RNF220: variants seen among roughly 807,000 people sequenced by gnomAD.
RNF220 encodes the protein ring finger protein 220, also known as E3 ubiquitin-protein ligase RNF220.
RNF220 carries 7 observed loss-of-function variants against 67.1 expected under a neutral mutation model. That is an observed-to-expected ratio of 0.10 (90% confidence interval 0.06 to 0.20). The LOEUF is 0.20. RNF220 is among the 10% of genes least tolerant of loss of function. The probability of loss-of-function intolerance (pLI) is 1.00; values close to 1 mark genes in which losing one functional copy is unlikely to be tolerated. For missense variants in RNF220, 565 were observed against 740.3 expected (o/e 0.76, Z 2.75); for synonymous variants, 270 against 283.2 (o/e 0.95, Z 0.47).
intron 2 of RNF220, among the ~76,000 whole-genome samples, chr1:44,575,316 T>G (rs1454483928): frequency 2.0e-5 from 3 of 152,230 alleles, no homozygotes. Flanking sequence ...AACAATGATC[T>G]TCACTTCCAT....
rs775887384 is a variant in RNF220 at position 44,622,868 on chromosome 1, G to C, written c.804+81G>C. The C allele has an allele frequency of 1.6e-5, 19 of 1,177,526 alleles. No individual in the cohort carries two copies. Among genetic ancestry groups the C allele is most frequent in the Non-Finnish European group, 2.4e-5 (19 of 789,600 alleles). 72.9% of individuals were successfully genotyped at this position (1,177,526 alleles called of 1,614,324 possible). On this transcript the variant is annotated intron_variant, in intron 4 of 14. Transcript: ENST00000361799. The surrounding 1 kb of genome is among the most constrained non-coding windows in gnomAD (Gnocchi z 4.3). ...AACTGGTTCCTCCTGAGAAAAAGGA[G>C]CTTTTCTAGTATCCTCAACTATCTC...
chr1:44,521,686 G>A (rs1659953775), intron 2 of RNF220, among the ~76,000 whole-genome samples: 2 of 152,086 alleles, frequency 1.3e-5, no homozygotes, highest in Admixed American at 6.6e-5. Context: ...CACATGGATC[G>A]CTCGTACAGA....
chr1:44,562,348 C>G (rs947946456), intron 2 of RNF220, among the ~76,000 whole-genome samples: 1 of 152,206 alleles, frequency 6.6e-6, no homozygotes, highest in African/African-American at 2.4e-5. Context: ...GAAGCCGTGG[C>G]TGCTTAAACC....
At chr1:44,531,193 C>T (rs1298662652) in intron 2 of RNF220, among the ~76,000 whole-genome samples, 1 of 152,298 alleles carries the variant, frequency 6.6e-6, no homozygotes, top group Middle Eastern at 3.4e-3. Flanking sequence ...TTCCTGTAAT[C>T]CTCAAGGTAA....
At chr1:44,423,072 A>G (rs1206783664) in intron 2 of RNF220, among the ~76,000 whole-genome samples, 2 of 152,224 alleles carry the variant, frequency 1.3e-5, no homozygotes, top group South Asian at 4.1e-4. Context: ...TTAGTTAGCA[A>G]TTGTAGGATG....
At chr1:44,492,761 G>A (rs910749431) in intron 2 of RNF220, among the ~76,000 whole-genome samples, 1 of 152,108 alleles carries the variant, frequency 6.6e-6, no homozygotes, top group Non-Finnish European at 1.5e-5. Context: ...TAGGGCTGGG[G>A]TGAGGGGAGG....
chr1:44,424,753 G>C (rs113520028), intron 2 of RNF220, among the ~76,000 whole-genome samples: 3,435 of 152,280 alleles, frequency 0.023, 54 homozygotes, highest in Non-Finnish European at 0.034. Context: ...CTGATCAAGT[G>C]ACTGTATGTG....
rs72895585 is a variant in RNF220 at position 44,537,094 on chromosome 1, C to T, written c.626-77071C>T. On this transcript the variant is annotated intron_variant, in intron 2 of 14. Transcript: ENST00000361799. ...TGCTCTTGTGAGTACATGATGGAAACGGCCCATGACAGTGTTTATCTCACT... is the reference window on the plus strand; with the variant it reads ...TGCTCTTGTGAGTACATGATGGAAATGGCCCATGACAGTGTTTATCTCACT... Among the ~76,000 whole-genome samples, 1,481 of 151,588 alleles carry T rather than the reference C, an allele frequency of 9.8e-3. 22 individuals carry two copies. Among genetic ancestry groups the T allele is most frequent in the African/African-American group, 0.034 (1,393 of 41,290 alleles).
chr1:44,450,009 C>G (rs911543460), intron 2 of RNF220, among the ~76,000 whole-genome samples: 2 of 152,092 alleles, frequency 1.3e-5, no homozygotes, highest in Non-Finnish European at 2.9e-5. Flanking sequence ...GTTGGGAGTT[C>G]GAGACCAGCC....
At chr1:44,490,500 G>C (rs1656758038) in intron 2 of RNF220, among the ~76,000 whole-genome samples, 1 of 150,256 alleles carries the variant, frequency 6.7e-6, no homozygotes, top group Non-Finnish European at 1.5e-5. Flanking sequence ...GAAATAATAA[G>C]GTATCAAAGG....
intron 12 of RNF220, among the ~76,000 whole-genome samples, chr1:44,647,859 C>T (rs1331226767): frequency 6.6e-6 from 1 of 152,172 alleles, no homozygotes; most frequent in African/African-American, 2.4e-5. Context: ...TATGATTCCC[C>T]CGCCTCAGTC....
chr1:44,461,747 C>T (rs1653779028), intron 2 of RNF220, among the ~76,000 whole-genome samples: 1 of 152,008 alleles, frequency 6.6e-6, no homozygotes, highest in South Asian at 2.1e-4. Context: ...GGAAGAGAAA[C>T]AAAGCTTAAA....
rs148060319 is a variant in RNF220 at position 44,609,061 on chromosome 1, G to A, written c.626-5104G>A. Among the ~76,000 whole-genome samples the A allele has an allele frequency of 2.0e-5, 3 of 152,290 alleles. No homozygotes were observed. In the East Asian group the frequency reaches 5.8e-4, roughly 29 times the overall value. On this transcript the variant is annotated intron_variant, in intron 2 of 14. Coordinates refer to ENST00000361799, the MANE Select transcript of RNF220 (RefSeq NM_018150.4). The stretch of plus-strand genomic sequence containing the variant: ...AATAACGTTAAGTGATTTGCCCAAG[G>A]TCACACAGCTAGCAAGAGGCAGCTC...
chr1:44,481,656 GGTTT>G (rs762664873), intron 2 of RNF220, among the ~76,000 whole-genome samples: 1 of 151,996 alleles, frequency 6.6e-6, no homozygotes, highest in Non-Finnish European at 1.5e-5. Context: ...CCTTTTCTTT[GGTTT>G]GTTTTTCTTT....
intron 2 of RNF220, among the ~76,000 whole-genome samples, chr1:44,455,484 T>C (rs1264605408): frequency 2.6e-5 from 4 of 152,180 alleles, no homozygotes; most frequent in Non-Finnish European, 5.9e-5. Context: ...TGGGGGCTCA[T>C]GGGGCTCTCA....
rs755588525 is a variant in RNF220, at chr1:44,645,105, C to T, written c.1310+24C>T. The T allele has an allele frequency of 1.9e-5, 31 of 1,613,346 alleles. No homozygotes were observed. Among genetic ancestry groups the T allele is most frequent in the South Asian group, 6.6e-5 (6 of 91,046 alleles). The stretch of plus-strand genomic sequence containing the variant: ...AAGCAAGTGTGGGCACAGGCTTGGG[C>T]GGGTGGAGCAGAGAAACAGGAAGCC... On this transcript the variant is annotated intron_variant, in intron 10 of 14. Transcript: ENST00000361799. The surrounding 1 kb of genome is among the most constrained non-coding windows in gnomAD (Gnocchi z 5.0).
At position 44,514,469 on chromosome 1, in the gene RNF220, G is replaced by C. The variant is rs114332648; in HGVS notation, c.626-99696G>C. Among the ~76,000 whole-genome samples, 419 of 152,324 alleles carry C rather than the reference G, an allele frequency of 2.8e-3. 1 individual carries two copies. The highest frequency in any genetic ancestry group is 9.8e-3 in the African/African-American group (408 of 41,574). The stretch of plus-strand genomic sequence containing the variant: ...CTAGAATATTAGGCATTCGTCCCTG[G>C]TTCAGAATGGTTTAGGCTTCCTCCA... On this transcript the variant is annotated intron_variant, in intron 2 of 14. Coordinates refer to ENST00000361799, the MANE Select transcript of RNF220 (RefSeq NM_018150.4).
chr1:44,480,640 G>A (rs1316464451), intron 2 of RNF220, among the ~76,000 whole-genome samples: 2 of 152,064 alleles, frequency 1.3e-5, no homozygotes, highest in Non-Finnish European at 2.9e-5. Flanking sequence ...AGTGGCTCAC[G>A]CCTGTAATCC....
Position 44,644,834 on chromosome 1 carries a change from G to A in RNF220, c.1223+40G>A, listed in dbSNP as rs757843181. 5 of 1,563,502 alleles carry A rather than the reference G, an allele frequency of 3.2e-6. No individual in the cohort carries two copies. The South Asian group carries it at 5.6e-5, about 17-fold the overall frequency. ...CTATGGGGGCTGGTGGGGCTGATAG[G>A]GCAGGCACAGGGAATAAGAAAAGTA... is the stretch of plus-strand genomic sequence containing the variant. On this transcript the variant is annotated intron_variant, in intron 9 of 14. Transcript: ENST00000361799.
Sources: allele counts gnomAD v4.1 joint callset (sites outside exome capture counted in the v4.1 genomes callset), GRCh38; gene constraint gnomAD v4.1.1; non-coding constraint Gnocchi (gnomAD v3.1); transcripts MANE v1.5; gene names NCBI Gene and HGNC (gene_info 2026-07-23, HGNC 2026-07-21).